Variants in MCTP2 observed in about 807,000 individuals in gnomAD.
MCTP2 encodes the protein multiple C2 and transmembrane domain-containing protein 2.
MCTP2 carries 132 observed loss-of-function variants against 111.6 expected under a neutral mutation model. The observed-to-expected ratio is 1.18, with a 90% confidence interval of 1.03 to 1.37. The LOEUF is 1.37. MCTP2 is among the 40% of genes most tolerant of loss of function. MCTP2 has a pLI of 0.00. For missense variants in MCTP2, 1,183 were observed against 1,067.9 expected (o/e 1.11, Z -1.50); for synonymous variants, 395 against 387.7 (o/e 1.02, Z -0.22).
At chr15:94,356,327 G>T (rs2078623305) in intron 9 of MCTP2, 26 bp downstream of exon 9, 7 of 1,502,490 alleles carry the variant, frequency 4.7e-6, no homozygotes, top group Middle Eastern at 1.8e-4. Flanking sequence ...TCCATAAGGA[G>T]AACAGTATCT....
At chr15:94,313,132 C>T (rs1012470892) in intron 2 of MCTP2, among the ~76,000 whole-genome samples, 7 of 152,234 alleles carry the variant, frequency 4.6e-5, no homozygotes, top group South Asian at 2.1e-4. Flanking sequence ...TTTTCATTGA[C>T]GCAATCAGTC....
chr15:94,479,247 A>G lies in MCTP2; in HGVS notation c.*213A>G, dbSNP rs111531248. 2.4e-5 allele frequency: 14 copies of G among 583,570 alleles called. No homozygotes were observed. Among genetic ancestry groups the G allele is most frequent in the Non-Finnish European group, 4.3e-5 (14 of 324,124 alleles). 36.1% of individuals were successfully genotyped at this position (583,570 alleles called of 1,614,324 possible). On this transcript the variant is annotated 3_prime_UTR_variant, in exon 23 of 23. Transcript: ENST00000357742. ...TCCTAGTTGCGTAGAGGGTCAGCCC[A>G]GCGAAAAGCAACAACCCCAAGACTG...
At chr15:94,310,710 CATAAA>C (rs541192298) in intron 2 of MCTP2, among the ~76,000 whole-genome samples, 108 of 150,670 alleles carry the variant, frequency 7.2e-4, no homozygotes, top group African/African-American at 2.2e-3. Flanking sequence ...TATTTCATAA[CATAAA>C]ATAATATATA....
At chr15:94,237,483 T>C (rs1330725832) in intron 1 of MCTP2, among the ~76,000 whole-genome samples, 2 of 150,876 alleles carry the variant, frequency 1.3e-5, no homozygotes, top group African/African-American at 4.9e-5. Context: ...ATCTAAGGGG[T>C]CTGGGGACTC....
At chr15:94,245,209 T>C (rs1346881413) in intron 1 of MCTP2, among the ~76,000 whole-genome samples, 1 of 142,686 alleles carries the variant, frequency 7.0e-6, no homozygotes, top group Non-Finnish European at 1.5e-5. Context: ...TATATATTTA[T>C]ACATATGTGT....
chr15:94,424,534 T>C (rs2082785625), intron 17 of MCTP2, among the ~76,000 whole-genome samples: 1 of 152,148 alleles, frequency 6.6e-6, no homozygotes, highest in Admixed American at 6.5e-5. Flanking sequence ...AAATAACGCC[T>C]CCAGGTGCTT....
chr15:94,411,601 G>T (rs556706445), intron 17 of MCTP2, among the ~76,000 whole-genome samples: 1 of 152,246 alleles, frequency 6.6e-6, no homozygotes, highest in South Asian at 2.1e-4. Flanking sequence ...ACAGCGTGTT[G>T]TACTTTTGCC....
At chr15:94,292,150 A>C (rs2075062123) in intron 1 of MCTP2, among the ~76,000 whole-genome samples, 1 of 152,232 alleles carries the variant, frequency 6.6e-6, no homozygotes, top group Non-Finnish European at 1.5e-5. Context: ...TTAAAAACCC[A>C]AATCTGGTTC....
chr15:94,256,086 A>G (rs977278193), intron 1 of MCTP2, among the ~76,000 whole-genome samples: 3 of 152,190 alleles, frequency 2.0e-5, no homozygotes, highest in Admixed American at 6.5e-5. Context: ...AAAATGTTGC[A>G]AAATCCAAAA....
At chr15:94,337,684 T>TGTGTGTGC (rs1555454990) in intron 4 of MCTP2, among the ~76,000 whole-genome samples, 1 of 151,794 alleles carries the variant, frequency 6.6e-6, no homozygotes, top group Non-Finnish European at 1.5e-5. Flanking sequence ...TGTGTGTGTG[T>TGTGTGTGC]GCGCGCGCAT....
At chr15:94,328,310 A>C (rs954745564) in intron 4 of MCTP2, among the ~76,000 whole-genome samples, 3 of 151,330 alleles carry the variant, frequency 2.0e-5, no homozygotes, top group African/African-American at 7.3e-5. Context: ...TTGTATTTTT[A>C]GTAGAGACGG....
chr15:94,455,253 T>C (rs1418121045), intron 19 of MCTP2, among the ~76,000 whole-genome samples: 1 of 152,244 alleles, frequency 6.6e-6, no homozygotes, highest in African/African-American at 2.4e-5. Flanking sequence ...TTCTAACATA[T>C]TGTCTTAAAA....
Position 94,476,762 on chromosome 15 carries a change from T to C in MCTP2, c.2537T>C (p.Phe846Ser). 6.2e-7 allele frequency: 1 copy of C among 1,607,558 alleles called. No homozygotes were observed. Among genetic ancestry groups the C allele is most frequent in the Non-Finnish European group, 8.5e-7 (1 of 1,174,172 alleles). ...YSIDNNELLD[F>S]LSRVPSDVQK... The stretch of plus-strand genomic sequence containing the variant: ...ATCGACAATAATGAGCTACTAGACT[T>C]CCTCTCTAGGGTACCGTCTGATGTT... Residue 846 changes from phenylalanine (F) to serine (S), a missense_variant, in exon 22 of 23, where the codon TTC becomes TCC. Coordinates refer to ENST00000357742, the MANE Select transcript of MCTP2 (RefSeq NM_001385001.1).
At chr15:94,357,139 A>G (rs2078668871) in intron 9 of MCTP2, among the ~76,000 whole-genome samples, 1 of 152,208 alleles carries the variant, frequency 6.6e-6, no homozygotes, top group Non-Finnish European at 1.5e-5. Context: ...AAGTTGGAAA[A>G]TGATTTAGGG....
At chr15:94,297,104 A>G (rs2075309016) in intron 1 of MCTP2, among the ~76,000 whole-genome samples, 1 of 152,236 alleles carries the variant, frequency 6.6e-6, no homozygotes. Flanking sequence ...AAATGTGGCA[A>G]AATACAAACA....
intron 1 of MCTP2, among the ~76,000 whole-genome samples, chr15:94,269,604 A>G (rs998810391): frequency 1.3e-5 from 2 of 152,214 alleles, no homozygotes; most frequent in African/African-American, 4.8e-5. Context: ...TCAGGCTCCC[A>G]TATATGTGAT....
chr15:94,417,063 T>C (rs1443923228), intron 17 of MCTP2, among the ~76,000 whole-genome samples: 3 of 152,194 alleles, frequency 2.0e-5, no homozygotes, highest in Non-Finnish European at 4.4e-5. Context: ...AATTGATTTT[T>C]CAGGGCAAAC....
At chr15:94,345,441 G>GT (rs1293046270) in intron 8 of MCTP2, among the ~76,000 whole-genome samples, 1 of 152,122 alleles carries the variant, frequency 6.6e-6, no homozygotes, top group East Asian at 1.9e-4. Flanking sequence ...ATTATTTAGA[G>GT]TTTAGCATGG....
intron 17 of MCTP2, among the ~76,000 whole-genome samples, chr15:94,406,418 C>T (rs1003316895): frequency 3.3e-5 from 5 of 152,122 alleles, no homozygotes; most frequent in Admixed American, 3.3e-4. Context: ...GTTTGTTGTC[C>T]TTGTATTTAC....
Sources: gnomAD v4.1 joint callset for allele counts (sites outside exome capture counted in the v4.1 genomes callset) on GRCh38, gnomAD v4.1.1 for gene constraint, MANE v1.5 for transcripts, NCBI Gene and HGNC (gene_info 2026-07-23, HGNC 2026-07-21) for gene names.